AP3S1: variants seen among roughly 807,000 people sequenced by gnomAD.
AP3S1 encodes AP-3 complex subunit sigma-1.
In AP3S1, 12 loss-of-function variants were observed where a neutral mutation model predicts 21.3. The ratio of observed to expected loss-of-function variants is 0.56; its 90% CI spans 0.36 to 0.91. The LOEUF is 0.91. Among genes scored for constraint, AP3S1 ranks in the 40% least tolerant of loss-of-function variants. AP3S1 has a pLI of 0.01. For synonymous variants in AP3S1, 48 were observed against 78.4 expected, an observed-to-expected ratio of 0.61 and a Z score of 2.05; for missense variants, 116 against 225.0, an observed-to-expected ratio of 0.52 and a Z score of 3.10.
intron 2 of AP3S1, among the ~76,000 whole-genome samples, chr5:115,869,040 A>G (rs1257798434): frequency 1.3e-5 from 2 of 151,352 alleles, no homozygotes; most frequent in African/African-American, 4.9e-5. Flanking sequence ...TTTTGGTTAC[A>G]TATAGCCTTG....
In AP3S1 at chr5:115,842,102, C is replaced by G. The variant is rs141651630; in HGVS notation, c.65C>G (p.Pro22Arg). The G allele has an allele frequency of 1.3e-6, 2 of 1,558,436 alleles. No homozygotes were observed. Among genetic ancestry groups the G allele is most frequent in the Non-Finnish European group, 1.7e-6 (2 of 1,154,670 alleles). Residue 22 changes from proline (P) to arginine (R), a missense_variant, in exon 1 of 6, where the codon CCC (proline) becomes CGC (arginine). Pro to Arg is a moderately radical substitution (Grantham distance 103). Around this residue, in one of 3 missense-constraint regions of AP3S1, gnomAD observed 50 missense variants for 55.5 expected, o/e 0.90. Transcript: ENST00000316788. ...CCGCGGCTCTCCAAGTTCTACCAGC[C>G]CTACGTGAGTATCCAGCCGCCGCTG... The part of the protein sequence containing the change: ...GKPRLSKFYQ[P>R]YSEDTQQQII...
chr5:115,881,259 T>C (rs1047229412), intron 3 of AP3S1, among the ~76,000 whole-genome samples: 5 of 152,238 alleles, frequency 3.3e-5, no homozygotes, highest in African/African-American at 1.2e-4. Context: ...AGCTGGTTAT[T>C]TTGCCTGTTA....
chr5:115,855,007 T>G (rs1762698583), intron 1 of AP3S1, among the ~76,000 whole-genome samples: 1 of 150,054 alleles, frequency 6.7e-6, no homozygotes, highest in African/African-American at 2.5e-5. Context: ...TGTGTGTGTA[T>G]GTATATATTT....
chr5:115,873,474 G>C (rs1206981312), intron 3 of AP3S1, among the ~76,000 whole-genome samples: 1 of 152,086 alleles, frequency 6.6e-6, no homozygotes, highest in Non-Finnish European at 1.5e-5. Flanking sequence ...CTGATGTATT[G>C]TGTCACAAAA....
chr5:115,908,026 T>C (rs1448768941), intron 5 of AP3S1, among the ~76,000 whole-genome samples: 1 of 152,196 alleles, frequency 6.6e-6, no homozygotes, highest in Non-Finnish European at 1.5e-5. Flanking sequence ...ATTGTGGTGA[T>C]ATCACAAAGC....
intron 2 of AP3S1, among the ~76,000 whole-genome samples, chr5:115,869,300 T>A (rs1041269863): frequency 2.0e-5 from 3 of 152,174 alleles, no homozygotes; most frequent in African/African-American, 7.2e-5. Flanking sequence ...TGACGGTAAA[T>A]CTATCCAAAA....
chr5:115,912,294 G>T (rs1321529937), intron 5 of AP3S1, among the ~76,000 whole-genome samples: 1 of 151,882 alleles, frequency 6.6e-6, no homozygotes, highest in African/African-American at 2.4e-5. Context: ...CGTTTTTGTT[G>T]TCTATTTTTG....
At chr5:115,897,934 A>G (rs1211016767) in intron 4 of AP3S1, among the ~76,000 whole-genome samples, 1 of 152,254 alleles carries the variant, frequency 6.6e-6, no homozygotes, top group East Asian at 1.9e-4. Flanking sequence ...CTGGGTCACA[A>G]CTGAGTAGAT....
chr5:115,868,029 G>T (rs1459906529), intron 2 of AP3S1, among the ~76,000 whole-genome samples: 1 of 152,064 alleles, frequency 6.6e-6, no homozygotes, highest in Non-Finnish European at 1.5e-5. Flanking sequence ...AAATTCTCAG[G>T]CCTCAGTTTT....
chr5:115,871,096 G>A (rs1476240936), intron 3 of AP3S1, among the ~76,000 whole-genome samples: 1 of 152,204 alleles, frequency 6.6e-6, no homozygotes, highest in Non-Finnish European at 1.5e-5. Flanking sequence ...TGTTTGGAAG[G>A]AAGACTGTCT....
intron 3 of AP3S1, among the ~76,000 whole-genome samples, chr5:115,886,579 A>G (rs554992032): frequency 6.6e-6 from 1 of 152,312 alleles, no homozygotes; most frequent in African/African-American, 2.4e-5. Context: ...AAAAATGTGT[A>G]CTAGTCGACT....
intron 1 of AP3S1, among the ~76,000 whole-genome samples, chr5:115,848,809 T>G (rs1762242772): frequency 1.3e-5 from 2 of 152,208 alleles, no homozygotes; most frequent in Admixed American, 1.3e-4. Flanking sequence ...CCCATCTGCC[T>G]TTTCAGCTTT....
chr5:115,896,855 G>A (rs899439512), intron 4 of AP3S1, among the ~76,000 whole-genome samples: 7 of 152,114 alleles, frequency 4.6e-5, no homozygotes, highest in African/African-American at 9.7e-5. Context: ...ACTGCTGAGA[G>A]GTCATCATTA....
intron 1 of AP3S1, among the ~76,000 whole-genome samples, chr5:115,846,234 C>T (rs2112765412): frequency 6.6e-6 from 1 of 152,328 alleles, no homozygotes; most frequent in African/African-American, 2.4e-5. Context: ...GTCTTAACCT[C>T]CTGGCCTCAA....
intron 3 of AP3S1, among the ~76,000 whole-genome samples, chr5:115,893,152 C>T (rs1333519196): frequency 1.3e-5 from 2 of 152,112 alleles, no homozygotes; most frequent in African/African-American, 4.8e-5. Context: ...TACTCAATAT[C>T]GTAATCCTTG....
intron 5 of AP3S1, among the ~76,000 whole-genome samples, chr5:115,912,527 G>C (rs1752186448): frequency 6.6e-6 from 1 of 151,938 alleles, no homozygotes; most frequent in Non-Finnish European, 1.5e-5. Flanking sequence ...TAATAGGAAA[G>C]CCAAATATTA....
intron 4 of AP3S1, 32 bp downstream of exon 4, chr5:115,895,190 T>A (rs202180421): frequency 2.7e-5 from 39 of 1,437,100 alleles, no homozygotes; most frequent in Non-Finnish European, 3.5e-5. Context: ...CTAAGCTTTT[T>A]AAGAAAAACA....
At chr5:115,882,566 C>T (rs1749394984) in intron 3 of AP3S1, among the ~76,000 whole-genome samples, 1 of 152,226 alleles carries the variant, frequency 6.6e-6, no homozygotes, top group African/African-American at 2.4e-5. Context: ...GTTCCTTCCT[C>T]TGGAAGGTTC....
At chr5:115,853,398 T>G (rs1762584604) in intron 1 of AP3S1, among the ~76,000 whole-genome samples, 1 of 152,228 alleles carries the variant, frequency 6.6e-6, no homozygotes, top group South Asian at 2.1e-4. Flanking sequence ...TGCATGTATC[T>G]CCTCCCATTC....
Sources: gnomAD v4.1 joint callset for allele counts (sites outside exome capture counted in the v4.1 genomes callset) on GRCh38, gnomAD v4.1.1 for gene constraint, gnomAD v4.1.1 regional missense constraint, MANE v1.5 for transcripts, NCBI Gene and HGNC (gene_info 2026-07-23, HGNC 2026-07-21) for gene names.